Variants in COA8 observed in about 807,000 individuals in gnomAD.
COA8 encodes UPF0671 protein C14orf153.
A neutral mutation model predicts 22.0 loss-of-function variants in COA8; 20 were observed. The ratio of observed to expected loss-of-function variants is 0.91; its 90% CI spans 0.64 to 1.32. The LOEUF is 1.32. Among genes scored for constraint, COA8 ranks in the 40% most tolerant of loss-of-function variants. COA8 has a pLI of 0.00. For missense variants in COA8, 266 were observed against 230.0 expected, an observed-to-expected ratio of 1.16 and a Z score of -1.01; for synonymous variants, 105 against 79.9, an observed-to-expected ratio of 1.31 and a Z score of -1.68.
intron 2 of COA8, among the ~76,000 whole-genome samples, chr14:103,573,023 C>T (rs1226301259): frequency 3.3e-5 from 5 of 151,774 alleles, no homozygotes; most frequent in East Asian, 3.9e-4. Flanking sequence ...CCTCGTGATC[C>T]GCCCACCTCG....
At chr14:103,573,535 G>A (rs1212424153) in intron 2 of COA8, among the ~76,000 whole-genome samples, 1 of 151,780 alleles carries the variant, frequency 6.6e-6, no homozygotes, top group African/African-American at 2.4e-5. Context: ...ATCATATTCT[G>A]TGGAGGGTTT....
chr14:103,563,905 T>G (rs906851034), intron 1 of COA8, among the ~76,000 whole-genome samples: 6 of 152,210 alleles, frequency 3.9e-5, no homozygotes, highest in African/African-American at 1.4e-4. Context: ...ACGCTTGTAA[T>G]CCCAGCACTT....
chr14:103,590,603 C>A lies in COA8; in HGVS notation c.*317C>A. 4.5e-6 allele frequency: 1 copy of A among 221,450 alleles called. No homozygotes were observed. Among genetic ancestry groups the A allele is most frequent in the Non-Finnish European group, 9.0e-6 (1 of 110,800 alleles). 13.7% of individuals were successfully genotyped at this position (221,450 alleles called of 1,614,324 possible). A position where few individuals can be genotyped will look rare whatever the true frequency, so the allele number is the denominator to read the frequency against. Reference sequence around the variant, plus strand: ...AAAATATTGGCCAGGCACGGTGGCTCACACCTGTAATCCCAGCACTTTGGG... The same window carrying A: ...AAAATATTGGCCAGGCACGGTGGCTAACACCTGTAATCCCAGCACTTTGGG... On this transcript the variant is annotated 3_prime_UTR_variant, in exon 5 of 5. Coordinates refer to ENST00000409074, the MANE Select transcript of COA8 (RefSeq NM_001370595.2).
chr14:103,563,122 G>T lies in COA8; in HGVS notation c.121G>T (p.Gly41Trp). The part of the protein sequence containing the change: ...GAERRDTAPS[G>W]VSRFCPPRKS... ...CGAGCGCAGGGATACGGCGCCCAGC[G>T]GGGTAAGCAGGGGCCTGGGGACATT... Residue 41 changes from glycine (G) to tryptophan (W), a missense_variant and splice_region_variant, in exon 1 of 5, where the codon GGG (glycine) becomes TGG (tryptophan). Coordinates refer to ENST00000409074, the MANE Select transcript of COA8 (RefSeq NM_001370595.2). 6.5e-7 allele frequency: 1 copy of T among 1,539,174 alleles called. No individual in the cohort carries two copies. The highest frequency in any genetic ancestry group is 8.7e-7 in the Non-Finnish European group (1 of 1,148,044).
Position 103,573,972 on chromosome 14 carries a change from G to T in COA8, c.322-135G>T, listed in dbSNP as rs570525624. ...GAGGGTTTTAAACGAGCTTTGAGAT[G>T]GGTCACTAGCTTCTCAGAAAATCCA... On this transcript the variant is annotated intron_variant, in intron 2 of 4. Coordinates refer to ENST00000409074, the MANE Select transcript of COA8 (RefSeq NM_001370595.2). The T allele has an allele frequency of 2.0e-5, 23 of 1,135,756 alleles. No individual in the cohort carries two copies. The South Asian group carries it at 4.1e-4, about 20-fold the overall frequency. The allele number at this position is 1,135,756 out of a possible 1,614,324, so 70.4% of individuals were successfully genotyped here. A position where few individuals can be genotyped will look rare whatever the true frequency, so the allele number is the denominator to read the frequency against.
chr14:103,586,372 TA>T (rs1257596809), intron 3 of COA8, among the ~76,000 whole-genome samples: 2 of 151,808 alleles, frequency 1.3e-5, no homozygotes, highest in East Asian at 3.9e-4. Flanking sequence ...CATACCTAGC[TA>T]ATTTTTTTAT....
rs67121410 is a variant in COA8, at chr14:103,572,794, TC to T, written c.321+975del. ...GAATTCAAAAAAAAAAAAATTTTTT[TC>T]TTTTTTGAGACGGAGTCTCGCTCTG... is the stretch of plus-strand genomic sequence containing the variant. On this transcript the variant is annotated intron_variant, in intron 2 of 4. Coordinates refer to ENST00000409074, the MANE Select transcript of COA8 (RefSeq NM_001370595.2). Among the ~76,000 whole-genome samples the T allele has an allele frequency of 4.2e-3, 638 of 151,206 alleles. 5 individuals carry two copies. The highest frequency in any genetic ancestry group is 0.014 in the African/African-American group (596 of 41,240).
chr14:103,563,207 C>A, intron 1 of COA8, 83 bp downstream of exon 1: 1 of 1,498,036 alleles, frequency 6.7e-7, no homozygotes, highest in Non-Finnish European at 9.0e-7. Flanking sequence ...ACTCCCTGTT[C>A]TGCACAGCCG....
chr14:103,569,308 A>T (rs1595137443), intron 1 of COA8, among the ~76,000 whole-genome samples: 3 of 152,362 alleles, frequency 2.0e-5, no homozygotes. Flanking sequence ...ACATGTGGTT[A>T]TAGGGAAGAA....
intron 1 of COA8, among the ~76,000 whole-genome samples, chr14:103,568,413 T>C (rs1423396463): frequency 6.6e-6 from 1 of 151,510 alleles, no homozygotes; most frequent in African/African-American, 2.4e-5. Context: ...AATTTACAGT[T>C]AAGAAGAAAG....
rs1364918301 is a variant in COA8 at position 103,563,119 on chromosome 14, A to G, written c.118A>G (p.Ser40Gly). The G allele has an allele frequency of 6.5e-7, 1 of 1,539,604 alleles. No homozygotes were observed. The highest frequency in any genetic ancestry group is 1.7e-4 in the Middle Eastern group (1 of 5,860). Residue 40 changes from serine (S) to glycine (G), a missense_variant, in exon 1 of 5, where the codon AGC becomes GGC. By Grantham distance (56) the Ser-to-Gly change is moderately conservative. Transcript: ENST00000409074. ...RGAERRDTAP[S>G]GVSRFCPPRK... ...CGCCGAGCGCAGGGATACGGCGCCC[A>G]GCGGGGTAAGCAGGGGCCTGGGGAC... is the stretch of plus-strand genomic sequence containing the variant.
chr14:103,571,646 A>G lies in COA8; in HGVS notation c.147A>G (p.Arg49=). The stretch of plus-strand genomic sequence containing the variant: ...AGGTCTCAAGATTCTGCCCTCCAAG[A>G]AAGTCTTGCCATGATTGGATAGGAC... ...PSGVSRFCPP[R]KSCHDWIGPP... The change falls in exon 2 of 5, where the codon AGA becomes AGG. Residue 49 remains arginine (R), a synonymous_variant. Coordinates refer to ENST00000409074, the MANE Select transcript of COA8 (RefSeq NM_001370595.2). 2.5e-6 allele frequency: 4 copies of G among 1,614,170 alleles called. No individual in the cohort carries two copies. Among genetic ancestry groups the G allele is most frequent in the Non-Finnish European group, 2.5e-6 (3 of 1,180,020 alleles).
chr14:103,585,579 T>C (rs1415954462), intron 3 of COA8, among the ~76,000 whole-genome samples: 12 of 144,966 alleles, frequency 8.3e-5, no homozygotes, highest in South Asian at 4.3e-4. Flanking sequence ...TTTTTTCTCT[T>C]TTTTTTTTTT....
rs143903449 is a variant in COA8 at position 103,577,059 on chromosome 14, A to C, written c.385+2889A>C. On this transcript the variant is annotated intron_variant, in intron 3 of 4. Coordinates refer to ENST00000409074, the MANE Select transcript of COA8 (RefSeq NM_001370595.2). ...AGAAGAAAAAATTGTTCAAACTCTA[A>C]ATTTTACAAGGCATATTTGTTTATT... 2.7e-3 allele frequency among the ~76,000 whole-genome samples: 417 copies of C among 152,228 alleles called. 4 individuals are homozygous for C. The highest frequency in any genetic ancestry group is 0.024 in the Middle Eastern group (7 of 294).
intron 2 of COA8, among the ~76,000 whole-genome samples, chr14:103,573,529 T>C (rs2076204466): frequency 6.6e-6 from 1 of 151,952 alleles, no homozygotes; most frequent in Non-Finnish European, 1.5e-5. Context: ...ATATTTATCA[T>C]ATTCTGTGGA....
chr14:103,585,349 C>T (rs1402556286), intron 3 of COA8, among the ~76,000 whole-genome samples: 2 of 150,294 alleles, frequency 1.3e-5, no homozygotes, highest in African/African-American at 4.9e-5. Context: ...CGTGGTGGCA[C>T]ATACCTGTAA....
rs1296700778 is a variant in COA8 at position 103,581,979 on chromosome 14, G to A, written c.386-5295G>A. Among the ~76,000 whole-genome samples, 2 of 152,214 alleles carry A rather than the reference G, an allele frequency of 1.3e-5. No homozygotes were observed. The highest frequency in any genetic ancestry group is 4.8e-5 in the African/African-American group (2 of 41,454). On this transcript the variant is annotated intron_variant, in intron 3 of 4. Coordinates refer to ENST00000409074, the MANE Select transcript of COA8 (RefSeq NM_001370595.2). The surrounding 1 kb of genome is among the most constrained non-coding windows in gnomAD (Gnocchi z 4.1). The stretch of plus-strand genomic sequence containing the variant: ...CACTTTGCCCACTCCCCCTTGGGCC[G>A]GAGCATCAGCATTAGCTGTGCCACA...
intron 1 of COA8, among the ~76,000 whole-genome samples, chr14:103,570,077 G>A (rs986271708): frequency 8.6e-5 from 13 of 152,014 alleles, no homozygotes; most frequent in African/African-American, 7.2e-5. Flanking sequence ...GGCTGGTCTC[G>A]AACTCCCGAC....
In COA8 at chr14:103,590,654, G is replaced by A. The variant is rs918773616; in HGVS notation, c.*368G>A. On this transcript the variant is annotated 3_prime_UTR_variant, in exon 5 of 5. Transcript: ENST00000409074. Reference sequence around the variant, plus strand: ...AGGCCGAGGCGGGTGGATCACTTGAGATCAGGAGTTCAAGATCAGTCTGGA... The same window carrying A: ...AGGCCGAGGCGGGTGGATCACTTGAAATCAGGAGTTCAAGATCAGTCTGGA... 1.1e-5 allele frequency: 2 copies of A among 181,634 alleles called. No individual in the cohort carries two copies. Among genetic ancestry groups the A allele is most frequent in the African/African-American group, 2.4e-5 (1 of 41,744 alleles). 11.3% of individuals were successfully genotyped at this position (181,634 alleles called of 1,614,324 possible). A position where few individuals can be genotyped will look rare whatever the true frequency, so the allele number is the denominator to read the frequency against.
Sources: allele counts gnomAD v4.1 joint callset (sites outside exome capture counted in the v4.1 genomes callset), GRCh38; gene constraint gnomAD v4.1.1; non-coding constraint Gnocchi (gnomAD v3.1); transcripts MANE v1.5; gene names NCBI Gene and HGNC (gene_info 2026-07-23, HGNC 2026-07-21).